RBM39: variants seen among roughly 807,000 people sequenced by gnomAD.
The protein encoded by RBM39 is RNA-binding protein 39.
Under a neutral mutation model 79.6 loss-of-function variants are expected in RBM39, and 12 were observed. That is an observed-to-expected ratio of 0.15 (90% CI 0.10 to 0.24). The LOEUF (loss-of-function observed/expected upper bound fraction) is 0.24. Ranked by LOEUF, RBM39 falls within the 10% of genes least tolerant of loss-of-function variation. RBM39 has a pLI of 1.00. For missense variants in RBM39, 243 were observed against 653.4 expected, an observed-to-expected ratio of 0.37 and a Z score of 6.85; for synonymous variants, 185 against 208.4, an observed-to-expected ratio of 0.89 and a Z score of 0.97.
intron 4 of RBM39, chr20:35,731,727 TAGTC>T (rs1429225447): frequency 3.3e-5 from 19 of 567,566 alleles, no homozygotes; most frequent in Admixed American, 9.7e-5. Context: ...TAACAGAAAA[TAGTC>T]AGTATGCCTA....
At chr20:35,727,018 G>T (rs2038789723) in intron 6 of RBM39, among the ~76,000 whole-genome samples, 2 of 151,766 alleles carry the variant, frequency 1.3e-5, no homozygotes, top group Non-Finnish European at 2.9e-5. Context: ...GTAGAGATGG[G>T]GTTTCACCAT....
At position 35,739,191 on chromosome 20, in the gene RBM39, T is replaced by C. The variant is rs1218058542; in HGVS notation, c.52-174A>G. The stretch of plus-strand genomic sequence containing the variant: ...TTTAGATGGGTATGTGTTTAACCAC[T>C]TTGTTGCTTACATTTAAGTCATCAA... On this transcript the variant is annotated intron_variant, in intron 2 of 16. Coordinates refer to ENST00000253363, the MANE Select transcript of RBM39 (RefSeq NM_184234.3). 1.1e-5 allele frequency: 7 copies of C among 651,672 alleles called. 1 individual carries two copies. The Admixed American group carries it at 2.1e-4, about 19-fold the overall frequency. The allele number at this position is 651,672 out of a possible 1,614,324, so 40.4% of individuals were successfully genotyped here.
rs2040289240 is a variant in RBM39, at chr20:35,739,258, T to G, written c.52-241A>C. On this transcript the variant is annotated intron_variant, in intron 2 of 16. Transcript: ENST00000253363. ...AATTTTCCATATTAACATGTTAAAT[T>G]TTACTTTCTTATATAGTTTAGATAT... 5.7e-6 allele frequency: 3 copies of G among 530,084 alleles called. No homozygotes were observed. In the South Asian group the frequency reaches 6.2e-5, roughly 11 times the overall value. 32.8% of individuals were successfully genotyped at this position (530,084 alleles called of 1,614,324 possible). A position where few individuals can be genotyped will look rare whatever the true frequency, so the allele number is the denominator to read the frequency against.
chr20:35,736,535 G>A (rs2039927245), intron 3 of RBM39: 1 of 469,884 alleles, frequency 2.1e-6, no homozygotes, highest in Non-Finnish European at 4.4e-6. Context: ...TAGTGAGAAA[G>A]ACTGACATAC....
At chr20:35,707,888 A>G (rs1376749682) in intron 13 of RBM39, 4 of 466,700 alleles carry the variant, frequency 8.6e-6, no homozygotes, top group African/African-American at 2.0e-5. Flanking sequence ...AGTTGCTCCA[A>G]TGCTTTCACG....
rs547697583 is a variant in RBM39, at chr20:35,735,126, T to G, written c.102-2991A>C. 2.7e-6 allele frequency: 4 copies of G among 1,463,136 alleles called. No homozygotes were observed. In the African/African-American group the frequency reaches 4.3e-5, roughly 16 times the overall value. The allele number at this position is 1,463,136 out of a possible 1,614,324, so 90.6% of individuals were successfully genotyped here. ...ATAGAAAAGTCATTTATTCCAAAAT[T>G]TATAGATAATCCACACCACAGTAGC... On this transcript the variant is annotated intron_variant, in intron 3 of 16. Coordinates refer to ENST00000253363, the MANE Select transcript of RBM39 (RefSeq NM_184234.3).
Position 35,725,175 on chromosome 20 carries a change from T to A in RBM39, c.417-20A>T. On this transcript the variant is annotated intron_variant, in intron 6 of 16. Transcript: ENST00000253363. The stretch of plus-strand genomic sequence containing the variant: ...GGTTCTCTAATAGGAGTAAAACATA[T>A]AAAATTAATTTCATAACAGATTTTA... The A allele has an allele frequency of 1.5e-6, 2 of 1,352,162 alleles. No homozygotes were observed. Among genetic ancestry groups the A allele is most frequent in the Non-Finnish European group, 2.1e-6 (2 of 970,254 alleles). The allele number at this position is 1,352,162 out of a possible 1,614,324, so 83.8% of individuals were successfully genotyped here.
intron 12 of RBM39, among the ~76,000 whole-genome samples, chr20:35,712,665 CT>C (rs1438687332): frequency 1.3e-5 from 2 of 151,824 alleles, no homozygotes; most frequent in Non-Finnish European, 2.9e-5. Context: ...TTAAGTAAAG[CT>C]TTTTTAAGTG....
chr20:35,724,893 T>C, intron 7 of RBM39, 145 bp downstream of exon 7: 1 of 1,004,432 alleles, frequency 1.0e-6, no homozygotes, highest in Non-Finnish European at 1.5e-6. Flanking sequence ...TGTAGTAACA[T>C]TTATCAACTC....
At chr20:35,723,777 G>A (rs2038299380) in intron 8 of RBM39, among the ~76,000 whole-genome samples, 1 of 152,184 alleles carries the variant, frequency 6.6e-6, no homozygotes, top group East Asian at 1.9e-4. Context: ...GCGCTGTGCG[G>A]CTCAAGTGAT....
chr20:35,722,458 C>CTTTT (rs72430622), intron 8 of RBM39, among the ~76,000 whole-genome samples: 39 of 116,444 alleles, frequency 3.3e-4, no homozygotes, highest in African/African-American at 1.3e-3. Context: ...TATTTAGAGG[C>CTTTT]TTTTTTTTTT....
Position 35,738,956 on chromosome 20 carries a change from C to T in RBM39, c.101+12G>A, listed in dbSNP as rs1222582508. 6.2e-7 allele frequency: 1 copy of T among 1,608,810 alleles called. No individual in the cohort carries two copies. Among genetic ancestry groups the T allele is most frequent in the Non-Finnish European group, 8.5e-7 (1 of 1,175,144 alleles). ...CTCACCACCCTCCCCCAAGCCCCTT[C>T]TTAAAACTCACTTTTTGCTACGTTC... On this transcript the variant is annotated intron_variant, in intron 3 of 16. Transcript: ENST00000253363.
At chr20:35,707,327 C>A (rs2425076) in intron 13 of RBM39, 126 bp from the exon 14 acceptor site, 25,834 of 510,900 alleles carry the variant, frequency 0.051, 1,368 homozygotes, top group African/African-American at 0.2. Flanking sequence ...AGTTATTTTA[C>A]CTTATTTAAT....
intron 9 of RBM39, among the ~76,000 whole-genome samples, chr20:35,720,667 A>C (rs2037799679): frequency 6.6e-6 from 1 of 152,032 alleles, no homozygotes; most frequent in African/African-American, 2.4e-5. Flanking sequence ...ACTACTCGGA[A>C]GGCTAAAGCA....
At chr20:35,722,648 G>A (rs908693354) in intron 8 of RBM39, among the ~76,000 whole-genome samples, 2 of 151,488 alleles carry the variant, frequency 1.3e-5, no homozygotes, top group Admixed American at 1.3e-4. Context: ...AAAGTAAGCA[G>A]GCTGGCCGGG....
intron 1 of RBM39, among the ~76,000 whole-genome samples, chr20:35,741,140 T>C (rs1600677776): frequency 7.0e-6 from 1 of 143,360 alleles, no homozygotes; most frequent in Non-Finnish European, 1.5e-5. Context: ...GTTCCAGCGA[T>C]CCTACCACCT....
chr20:35,738,891 G>A, intron 3 of RBM39, 77 bp downstream of exon 3: 1 of 1,284,286 alleles, frequency 7.8e-7, no homozygotes. Context: ...GTATACTTTA[G>A]CCACAGGAAC....
intron 8 of RBM39, among the ~76,000 whole-genome samples, chr20:35,722,457 GC>G (rs1569029444): frequency 2.3e-5 from 3 of 131,258 alleles, no homozygotes; most frequent in African/African-American, 6.0e-5. Context: ...TTATTTAGAG[GC>G]TTTTTTTTTT....
In RBM39 at chr20:35,721,848, T is replaced by C. The variant is rs753224164; in HGVS notation, c.717A>G (p.Ala239=). ...CAGCACTTCCCTTTTGTAAATTGTT[T>C]GCCATTGCTGCAGCTCTGTTTTTTT... is the stretch of plus-strand genomic sequence containing the variant. The part of the protein sequence containing the change: ...QAEKNRAAAM[A]NNLQKGSAGP... Residue 239 remains alanine, a synonymous_variant, in exon 9 of 17, where the codon GCA becomes GCG. Transcript: ENST00000253363. 1 of 1,614,038 alleles carries C rather than the reference T, an allele frequency of 6.2e-7. No individual in the cohort carries two copies. Among genetic ancestry groups the C allele is most frequent in the Non-Finnish European group, 8.5e-7 (1 of 1,179,902 alleles).
Sources: gnomAD v4.1 joint callset for allele counts (sites outside exome capture counted in the v4.1 genomes callset) on GRCh38, gnomAD v4.1.1 for gene constraint, MANE v1.5 for transcripts, NCBI Gene and HGNC (gene_info 2026-07-23, HGNC 2026-07-21) for gene names.